ARHGAP24: variants seen among roughly 807,000 people sequenced by gnomAD.
ARHGAP24 encodes the protein Rho GTPase activating protein 24.
In ARHGAP24, 50 loss-of-function variants were observed where a neutral mutation model predicts 76.4. The observed-to-expected ratio is 0.65, with a 90% confidence interval of 0.52 to 0.83. The LOEUF is 0.83. Ranked by LOEUF, ARHGAP24 falls within the 40% of genes least tolerant of loss-of-function variation. ARHGAP24 has a pLI of 0.00. For missense variants in ARHGAP24, 930 were observed against 914.2 expected (o/e 1.02, Z -0.22); for synonymous variants, 345 against 323.3 (o/e 1.07, Z -0.72).
intron 2 of ARHGAP24, among the ~76,000 whole-genome samples, chr4:85,637,051 A>C (rs960506682): frequency 2.2e-4 from 33 of 152,104 alleles, no homozygotes; most frequent in African/African-American, 7.5e-4. Context: ...AAGCAATATT[A>C]AATCTAGAGC....
rs544844545 is a variant in ARHGAP24 at position 85,995,029 on chromosome 4, G to T, written c.1375G>T (p.Ala459Ser). ...TQTTPNGSLQ[A>S]RRSSSLKVSG... is the part of the protein sequence containing the mutation. The stretch of plus-strand genomic sequence containing the variant: ...AACCACCCCCAATGGGAGCCTACAG[G>T]CCAGAAGGAGCTCTTCACTGAAGGT... Residue 459 changes from alanine (A) to serine (S), a missense_variant, in exon 9 of 10, where the codon GCC becomes TCC. Transcript: ENST00000395184. 6.2e-7 allele frequency: 1 copy of T among 1,614,070 alleles called. No individual in the cohort carries two copies.
In ARHGAP24 at chr4:85,806,143, G is replaced by T. The variant is rs908579596; in HGVS notation, c.268+84171G>T. 7.9e-5 allele frequency among the ~76,000 whole-genome samples: 12 copies of T among 152,174 alleles called. No homozygotes were observed. In the South Asian group the frequency reaches 1.9e-3, roughly 24 times the overall value. Reference sequence around the variant, plus strand: ...AGAAAACTAAACTTGTTCCAATTTGGTTCAGTCTGATGGGTCCCAATTGAG... The same window carrying T: ...AGAAAACTAAACTTGTTCCAATTTGTTTCAGTCTGATGGGTCCCAATTGAG... On this transcript the variant is annotated intron_variant, in intron 3 of 9. Coordinates refer to ENST00000395184, the MANE Select transcript of ARHGAP24 (RefSeq NM_001025616.3).
intron 1 of ARHGAP24, among the ~76,000 whole-genome samples, chr4:85,495,227 C>T (rs906338396): frequency 7.9e-5 from 12 of 151,822 alleles, no homozygotes; most frequent in Non-Finnish European, 1.5e-4. Flanking sequence ...TCTTTCTTTC[C>T]TTGATTTGTT....
chr4:85,486,921 T>C (rs1400596016), intron 1 of ARHGAP24, among the ~76,000 whole-genome samples: 1 of 151,866 alleles, frequency 6.6e-6, no homozygotes, highest in Non-Finnish European at 1.5e-5. Flanking sequence ...GCTGGCCTCC[T>C]CCTGCATCTG....
chr4:85,929,168 CTGTCTCTGTCT>C (rs1192286287), intron 4 of ARHGAP24, among the ~76,000 whole-genome samples: 2 of 152,204 alleles, frequency 1.3e-5, no homozygotes, highest in Non-Finnish European at 2.9e-5. Flanking sequence ...AAGGGCAGCA[CTGTCTCTGTCT>C]TCGTGGTGCT....
At chr4:85,959,164 C>T (rs140669358) in intron 5 of ARHGAP24, among the ~76,000 whole-genome samples, 3 of 152,288 alleles carry the variant, frequency 2.0e-5, no homozygotes, top group South Asian at 2.1e-4. Context: ...GCTAAACAAG[C>T]GATGGATTAT....
At position 85,734,610 on chromosome 4, in the gene ARHGAP24, T is replaced by C. The variant is rs530643447; in HGVS notation, c.268+12638T>C. 1.3e-4 allele frequency among the ~76,000 whole-genome samples: 19 copies of C among 145,510 alleles called. No individual in the cohort carries two copies. In the East Asian group the frequency reaches 2.8e-3, roughly 22 times the overall value. On this transcript the variant is annotated intron_variant, in intron 3 of 9. Transcript: ENST00000395184. ...ATTAAGGCTTCTGGAAAACAATTAGTGCAGGGGCATGACATAATTCAGGGA... is the reference window on the plus strand; with the variant it reads ...ATTAAGGCTTCTGGAAAACAATTAGCGCAGGGGCATGACATAATTCAGGGA...
intron 3 of ARHGAP24, among the ~76,000 whole-genome samples, chr4:85,747,862 A>G (rs561282521): frequency 1.3e-5 from 2 of 152,352 alleles, no homozygotes; most frequent in East Asian, 1.9e-4. Context: ...ATTTTATAAA[A>G]ATGGTGCTGT....
intron 3 of ARHGAP24, among the ~76,000 whole-genome samples, chr4:85,797,727 T>G (rs1315467659): frequency 6.6e-6 from 1 of 152,238 alleles, no homozygotes; most frequent in Non-Finnish European, 1.5e-5. Context: ...AGTTAGTATG[T>G]TGACTCTAAT....
chr4:85,714,927 A>G (rs1035098034), intron 2 of ARHGAP24, among the ~76,000 whole-genome samples: 1 of 152,130 alleles, frequency 6.6e-6, no homozygotes. Context: ...CTAATGGTAA[A>G]TCCTTAAAGC....
chr4:85,525,446 A>T (rs1310700035), intron 1 of ARHGAP24, among the ~76,000 whole-genome samples: 5 of 148,658 alleles, frequency 3.4e-5, no homozygotes, highest in Non-Finnish European at 7.6e-5. Flanking sequence ...CCATCATATT[A>T]AAAAAAATGT....
intron 4 of ARHGAP24, among the ~76,000 whole-genome samples, chr4:85,939,670 A>C (rs17011240): frequency 6.6e-6 from 1 of 152,230 alleles, no homozygotes; most frequent in Admixed American, 6.5e-5. Context: ...AAAGCAAAAC[A>C]TCCCTTTCTT....
rs113612897 is a variant in ARHGAP24 at position 85,555,772 on chromosome 4, C to T, written c.-20-14750C>T. 5.2e-3 allele frequency among the ~76,000 whole-genome samples: 792 copies of T among 152,322 alleles called. 9 individuals carry two copies. Among genetic ancestry groups the T allele is most frequent in the African/African-American group, 0.018 (758 of 41,570 alleles). On this transcript the variant is annotated intron_variant, in intron 1 of 9. Coordinates refer to ENST00000395184, the MANE Select transcript of ARHGAP24 (RefSeq NM_001025616.3). Reference sequence around the variant, plus strand: ...TCCATATCAGAAAATGGCAGAGCCACTCCCAGTTGGGGCTATCAGCCTGGG... The same window carrying T: ...TCCATATCAGAAAATGGCAGAGCCATTCCCAGTTGGGGCTATCAGCCTGGG...
chr4:85,786,160 A>C (rs1244137531), intron 3 of ARHGAP24, among the ~76,000 whole-genome samples: 3 of 152,170 alleles, frequency 2.0e-5, no homozygotes, highest in African/African-American at 7.2e-5. Context: ...TCTAATGACC[A>C]AAACTGTCCA....
intron 2 of ARHGAP24, among the ~76,000 whole-genome samples, chr4:85,699,425 C>T (rs936332640): frequency 6.6e-6 from 1 of 152,084 alleles, no homozygotes; most frequent in Non-Finnish European, 1.5e-5. Context: ...GATATCCTGT[C>T]TCTACAAAAA....
intron 1 of ARHGAP24, among the ~76,000 whole-genome samples, chr4:85,481,691 A>T (rs1434797169): frequency 6.6e-6 from 1 of 152,218 alleles, no homozygotes; most frequent in Non-Finnish European, 1.5e-5. Flanking sequence ...ATTCCATGAC[A>T]TGGGGACATA....
intron 2 of ARHGAP24, among the ~76,000 whole-genome samples, chr4:85,660,817 A>AAAAAAAAAAAAAGC (rs1560573731): frequency 6.7e-6 from 1 of 149,842 alleles, no homozygotes; most frequent in Non-Finnish European, 1.5e-5. Context: ...AAAAAAAAAA[A>AAAAAAAAAAAAAGC]TCTGTAGATG....
chr4:85,856,994 T>A (rs1213969382), intron 3 of ARHGAP24, among the ~76,000 whole-genome samples: 1 of 152,212 alleles, frequency 6.6e-6, no homozygotes, highest in East Asian at 1.9e-4. Context: ...CAAAATGTAT[T>A]TATTATTTCC....
At chr4:85,527,816 A>G (rs1213349642) in intron 1 of ARHGAP24, among the ~76,000 whole-genome samples, 1 of 152,070 alleles carries the variant, frequency 6.6e-6, no homozygotes, top group Non-Finnish European at 1.5e-5. Flanking sequence ...ATTTCACCTC[A>G]TGTGCAGAAT....
Sources: gnomAD v4.1 joint callset for allele counts (sites outside exome capture counted in the v4.1 genomes callset) on GRCh38, gnomAD v4.1.1 for gene constraint, MANE v1.5 for transcripts, NCBI Gene and HGNC (gene_info 2026-07-23, HGNC 2026-07-21) for gene names.